TRPC4: variants seen among roughly 807,000 people sequenced by gnomAD.
The protein encoded by TRPC4 is short transient receptor potential channel 4.
TRPC4 carries 49 observed loss-of-function variants against 99.4 expected under a neutral mutation model. The ratio of observed to expected loss-of-function variants is 0.49; its 90% CI spans 0.39 to 0.63. The LOEUF (loss-of-function observed/expected upper bound fraction) is 0.63. Ranked by LOEUF, TRPC4 falls within the 20% of genes least tolerant of loss-of-function variation. The probability of loss-of-function intolerance (pLI) is 0.00; values close to 1 mark genes in which losing one functional copy is unlikely to be tolerated. For missense variants in TRPC4, 898 were observed against 1,152.9 expected (o/e 0.78, Z 3.20); for synonymous variants, 454 against 425.9 (o/e 1.07, Z -0.81).
intron 1 of TRPC4, among the ~76,000 whole-genome samples, chr13:37,837,220 G>T (rs1179360054): frequency 6.6e-6 from 1 of 152,240 alleles, no homozygotes; most frequent in Non-Finnish European, 1.5e-5. Context: ...CAGTGCAAAA[G>T]GAAAATGTAG....
intron 1 of TRPC4, among the ~76,000 whole-genome samples, chr13:37,791,360 C>G (rs1020201083): frequency 7.0e-6 from 1 of 142,826 alleles, no homozygotes; most frequent in Non-Finnish European, 1.5e-5. Flanking sequence ...CGTGCCACTA[C>G]ACTCCAGCCT....
At position 37,655,303 on chromosome 13, in the gene TRPC4, A is replaced by G; in HGVS notation, c.1689-20T>C. ...AATAACCTGTAATAAAGATAAAATGATACTAATAGCTATATTAATGGAATC... is the reference window on the plus strand; with the variant it reads ...AATAACCTGTAATAAAGATAAAATGGTACTAATAGCTATATTAATGGAATC... On this transcript the variant is annotated intron_variant, in intron 6 of 10. Coordinates refer to ENST00000379705, the MANE Select transcript of TRPC4 (RefSeq NM_016179.4). The G allele has an allele frequency of 6.9e-7, 1 of 1,447,122 alleles. No homozygotes were observed. Among genetic ancestry groups the G allele is most frequent in the Non-Finnish European group, 9.2e-7 (1 of 1,084,644 alleles). 89.6% of individuals were successfully genotyped at this position (1,447,122 alleles called of 1,614,324 possible). A position where few individuals can be genotyped will look rare whatever the true frequency, so the allele number is the denominator to read the frequency against.
chr13:37,699,626 A>G (rs1334642908), intron 3 of TRPC4, among the ~76,000 whole-genome samples: 1 of 152,222 alleles, frequency 6.6e-6, no homozygotes, highest in Non-Finnish European at 1.5e-5. Flanking sequence ...TCTCTTGCCC[A>G]ACAAGTGTCA....
intron 3 of TRPC4, among the ~76,000 whole-genome samples, chr13:37,745,467 TATATATACAC>T (rs1398344862): frequency 0.38 from 8,212 of 21,432 alleles, 434 homozygotes; most frequent in Non-Finnish European, 0.5. Flanking sequence ...TATATATATA[TATATATACAC>T]ACACACACAC....
intron 2 of TRPC4, among the ~76,000 whole-genome samples, chr13:37,771,311 G>A (rs1272983935): frequency 6.6e-6 from 1 of 151,692 alleles, no homozygotes; most frequent in African/African-American, 2.4e-5. Context: ...CAAAACCCTT[G>A]TCCTCACTTT....
intron 7 of TRPC4, among the ~76,000 whole-genome samples, chr13:37,653,374 T>G (rs992080624): frequency 6.6e-6 from 1 of 151,566 alleles, no homozygotes; most frequent in African/African-American, 2.4e-5. Flanking sequence ...TACCGATGGC[T>G]CTGAGTTACA....
At chr13:37,769,527 G>C (rs1486466405) in intron 2 of TRPC4, among the ~76,000 whole-genome samples, 1 of 151,272 alleles carries the variant, frequency 6.6e-6, no homozygotes, top group Non-Finnish European at 1.5e-5. Flanking sequence ...ATTTTGTTTG[G>C]TGATTTATAA....
At chr13:37,673,867 C>T (rs1243561504) in intron 5 of TRPC4, among the ~76,000 whole-genome samples, 1 of 152,026 alleles carries the variant, frequency 6.6e-6, no homozygotes, top group Admixed American at 6.6e-5. Context: ...TTAGTTATAA[C>T]TGAAGAAAAT....
At chr13:37,689,168 CA>C (rs1387573694) in intron 4 of TRPC4, among the ~76,000 whole-genome samples, 2 of 152,272 alleles carry the variant, frequency 1.3e-5, no homozygotes, top group East Asian at 3.9e-4. Context: ...TGATAGGATA[CA>C]GGGGGACTTT....
intron 5 of TRPC4, among the ~76,000 whole-genome samples, chr13:37,674,007 TGGG>T (rs1952953262): frequency 6.6e-6 from 1 of 152,102 alleles, no homozygotes; most frequent in African/African-American, 2.4e-5. Context: ...GCAAGGGAAT[TGGG>T]TGATAACTTC....
chr13:37,665,493 G>A (rs1225180271), intron 5 of TRPC4, among the ~76,000 whole-genome samples: 4 of 152,102 alleles, frequency 2.6e-5, no homozygotes, highest in Admixed American at 1.3e-4. Context: ...AATATCGTGG[G>A]TGCTCAAGAA....
At chr13:37,745,725 T>G (rs1000021881) in intron 3 of TRPC4, among the ~76,000 whole-genome samples, 2 of 151,782 alleles carry the variant, frequency 1.3e-5, no homozygotes, top group Admixed American at 1.3e-4. Flanking sequence ...GTGTACATTT[T>G]AAGACAGAGG....
At chr13:37,809,246 A>G (rs1957610767) in intron 1 of TRPC4, among the ~76,000 whole-genome samples, 1 of 152,082 alleles carries the variant, frequency 6.6e-6, no homozygotes, top group Non-Finnish European at 1.5e-5. Flanking sequence ...TTCAGTGAAT[A>G]TCAAAATTAG....
rs1953154075 is a variant in TRPC4 at position 37,679,174 on chromosome 13, T to A, written c.1235-4807A>T. ...TTTGCAATAAATGGGCATGAATGTG[T>A]TCCAATGAAACTATTAAAAAAACTG... On this transcript the variant is annotated intron_variant, in intron 4 of 10. Coordinates refer to ENST00000379705, the MANE Select transcript of TRPC4 (RefSeq NM_016179.4). Among the ~76,000 whole-genome samples, 3 of 152,236 alleles carry A rather than the reference T, an allele frequency of 2.0e-5. No homozygotes were observed. The South Asian group carries it at 6.2e-4, about 32-fold the overall frequency.
intron 1 of TRPC4, among the ~76,000 whole-genome samples, chr13:37,810,202 T>G (rs907806692): frequency 2.0e-5 from 3 of 152,090 alleles, no homozygotes; most frequent in Non-Finnish European, 2.9e-5. Flanking sequence ...TACACCTGAG[T>G]CTATTTTGAT....
intron 1 of TRPC4, among the ~76,000 whole-genome samples, chr13:37,792,923 G>A (rs541834966): frequency 3.3e-5 from 5 of 152,080 alleles, no homozygotes; most frequent in South Asian, 2.1e-4. Context: ...AGGCATTGCC[G>A]TTGTTTTTGC....
intron 3 of TRPC4, among the ~76,000 whole-genome samples, chr13:37,731,599 T>C (rs954748511): frequency 6.6e-6 from 1 of 152,098 alleles, no homozygotes; most frequent in Non-Finnish European, 1.5e-5. Context: ...TGAACTTTAA[T>C]CACACAATCA....
At chr13:37,842,281 A>C (rs1300789268) in intron 1 of TRPC4, among the ~76,000 whole-genome samples, 1 of 149,568 alleles carries the variant, frequency 6.7e-6, no homozygotes, top group Non-Finnish European at 1.5e-5. Context: ...AAAAAAAAAA[A>C]AAAACCTTAT....
chr13:37,663,802 A>G, intron 5 of TRPC4, 73 bp from the exon 6 acceptor site: 1 of 1,305,776 alleles, frequency 7.7e-7, no homozygotes. Context: ...TCAGACCCAG[A>G]AGGAAAACTA....
Sources: allele counts gnomAD v4.1 joint callset (sites outside exome capture counted in the v4.1 genomes callset), GRCh38; gene constraint gnomAD v4.1.1; transcripts MANE v1.5; gene names NCBI Gene and HGNC (gene_info 2026-07-23, HGNC 2026-07-21).